Variants in TNIK observed in about 807,000 individuals in gnomAD.
The protein encoded by TNIK is TRAF2 and NCK interacting kinase.
In TNIK, 49 loss-of-function variants were observed where a neutral mutation model predicts 191.3. The ratio of observed to expected loss-of-function variants is 0.26; its 90% confidence interval spans 0.20 to 0.32. The LOEUF (loss-of-function observed/expected upper bound fraction) is 0.32. Ranked by LOEUF, TNIK falls within the 10% of genes least tolerant of loss-of-function variation. TNIK has a pLI of 1.00. For missense variants in TNIK, 1,155 were observed against 1,702.3 expected, an observed-to-expected ratio of 0.68 and a Z score of 5.66; for synonymous variants, 594 against 600.9, an observed-to-expected ratio of 0.99 and a Z score of 0.17.
At chr3:171,101,970 T>C (rs1383529790) in intron 21 of TNIK, 1 of 171,610 alleles carries the variant, frequency 5.8e-6, no homozygotes, top group Non-Finnish European at 1.2e-5. Context: ...ACCCCCAGAG[T>C]TAATGGGAAA....
At chr3:171,176,712 G>A (rs1577044449) in intron 8 of TNIK, among the ~76,000 whole-genome samples, 1 of 152,236 alleles carries the variant, frequency 6.6e-6, no homozygotes, top group South Asian at 2.1e-4. Context: ...GGTGCGGCCT[G>A]CTGCCATTGC....
chr3:171,139,370 GCACGCGCGCACACACACACA>G (rs1267045755), intron 14 of TNIK, 80 bp downstream of exon 14: 33 of 903,010 alleles, frequency 3.7e-5, no homozygotes, highest in African/African-American at 3.6e-4. Flanking sequence ...AAGGACACAC[GCACGCGCGCACACACACACA>G]CACACACACA....
intron 2 of TNIK, among the ~76,000 whole-genome samples, chr3:171,345,788 T>G (rs144324549): frequency 6.6e-6 from 1 of 152,312 alleles, no homozygotes; most frequent in East Asian, 1.9e-4. Context: ...TGATCATTCA[T>G]GCATTCAAAA....
chr3:171,208,626 C>G (rs917052238), intron 4 of TNIK, among the ~76,000 whole-genome samples: 2 of 151,836 alleles, frequency 1.3e-5, no homozygotes, highest in Non-Finnish European at 2.9e-5. Flanking sequence ...GACACTATCT[C>G]GGCTTACTGC....
chr3:171,103,913 A>C (rs79618566), intron 21 of TNIK, among the ~76,000 whole-genome samples: 3,574 of 152,204 alleles, frequency 0.023, 150 homozygotes, highest in African/African-American at 0.082. Flanking sequence ...ATTTAAAAAA[A>C]CTTTCACTTG....
At chr3:171,128,906 A>C (rs965938763) in intron 15 of TNIK, 28 bp from the exon 16 acceptor site, 7 of 1,505,852 alleles carry the variant, frequency 4.6e-6, no homozygotes, top group Non-Finnish European at 4.4e-6. Context: ...AAAAAAAAAA[A>C]AGACAGCCTC....
At chr3:171,178,272 A>T (rs888647662) in intron 7 of TNIK, among the ~76,000 whole-genome samples, 2 of 152,234 alleles carry the variant, frequency 1.3e-5, no homozygotes, top group African/African-American at 4.8e-5. Flanking sequence ...CAGCAATTTC[A>T]TATGGTTTTA....
chr3:171,178,086 CTG>C (rs1403622599), intron 7 of TNIK, among the ~76,000 whole-genome samples: 1 of 152,238 alleles, frequency 6.6e-6, no homozygotes, highest in Non-Finnish European at 1.5e-5. Context: ...GGACATATCA[CTG>C]TTTTTGCATT....
intron 1 of TNIK, among the ~76,000 whole-genome samples, chr3:171,394,352 C>G (rs1266423311): frequency 6.6e-6 from 1 of 152,174 alleles, no homozygotes; most frequent in East Asian, 1.9e-4. Flanking sequence ...CAAGTATTGA[C>G]TACCTGAAAA....
intron 12 of TNIK, among the ~76,000 whole-genome samples, chr3:171,155,747 C>T (rs145841334): frequency 5.3e-5 from 8 of 152,142 alleles, no homozygotes; most frequent in African/African-American, 1.2e-4. Context: ...TGTGCCCTTG[C>T]GCAGAACTCC....
Position 171,062,460 on chromosome 3 carries a change from G to A in TNIK, c.*1421C>T, listed in dbSNP as rs574772675. 3.3e-5 allele frequency: 5 copies of A among 152,054 alleles called. No individual in the cohort carries two copies. Among genetic ancestry groups the A allele is most frequent in the South Asian group, 2.1e-4 (1 of 4,806 alleles). 9.4% of individuals were successfully genotyped at this position (152,054 alleles called of 1,614,324 possible). On this transcript the variant is annotated 3_prime_UTR_variant, in exon 33 of 33. Transcript: ENST00000436636. The stretch of plus-strand genomic sequence containing the variant: ...TTTGCAACACCTCGATACCACAGGC[G>A]GCCATGCTTGTAGCTTTGGAAAAAA...
chr3:171,369,499 A>C, intron 2 of TNIK, 121 bp downstream of exon 2: 1 of 612,880 alleles, frequency 1.6e-6, no homozygotes, highest in East Asian at 2.9e-5. Flanking sequence ...TCAATCAACA[A>C]GTATATTAAT....
intron 5 of TNIK, among the ~76,000 whole-genome samples, chr3:171,193,135 T>C (rs1203424545): frequency 6.6e-6 from 1 of 152,224 alleles, no homozygotes; most frequent in Admixed American, 6.5e-5. Context: ...TGTGGGTCTG[T>C]TCCTGGACCC....
At chr3:171,433,041 G>A (rs1441837917) in intron 1 of TNIK, among the ~76,000 whole-genome samples, 1 of 152,130 alleles carries the variant, frequency 6.6e-6, no homozygotes, top group East Asian at 1.9e-4. Flanking sequence ...GAAGGATGAG[G>A]TCAGTGTAGG....
chr3:171,360,207 C>A (rs1228557044), intron 2 of TNIK, among the ~76,000 whole-genome samples: 5 of 152,144 alleles, frequency 3.3e-5, no homozygotes, highest in African/African-American at 1.2e-4. Flanking sequence ...CTGCTAAAAC[C>A]TTGCGGCTCT....
chr3:171,249,871 T>C (rs190430614), intron 2 of TNIK, among the ~76,000 whole-genome samples: 1 of 152,206 alleles, frequency 6.6e-6, no homozygotes, highest in East Asian at 1.9e-4. Context: ...CCTGGTTTCT[T>C]ACTGAGCTAG....
At chr3:171,329,139 G>A (rs550804305) in intron 2 of TNIK, among the ~76,000 whole-genome samples, 6 of 151,972 alleles carry the variant, frequency 3.9e-5, no homozygotes, top group East Asian at 1.9e-4. Flanking sequence ...ATTTTTCTCT[G>A]TAGTAGCTTC....
At chr3:171,290,631 T>C (rs1314591139) in intron 2 of TNIK, among the ~76,000 whole-genome samples, 1 of 152,208 alleles carries the variant, frequency 6.6e-6, no homozygotes, top group African/African-American at 2.4e-5. Flanking sequence ...ACAGTCATCT[T>C]TGTAATTTGC....
intron 1 of TNIK, among the ~76,000 whole-genome samples, chr3:171,416,773 T>C (rs892768373): frequency 4.6e-5 from 7 of 152,210 alleles, no homozygotes; most frequent in Non-Finnish European, 1.0e-4. Flanking sequence ...AATCCTTATT[T>C]ACAAGATGAT....
Sources: allele counts gnomAD v4.1 joint callset (sites outside exome capture counted in the v4.1 genomes callset), GRCh38; gene constraint gnomAD v4.1.1; transcripts MANE v1.5; gene names NCBI Gene and HGNC (gene_info 2026-07-23, HGNC 2026-07-21).